ERAP1: variants seen among roughly 807,000 people sequenced by gnomAD.
ERAP1 encodes the protein adipocyte-derived leucine aminopeptidase.
A neutral mutation model predicts 103.7 loss-of-function variants in ERAP1; 86 were observed. That is an observed-to-expected ratio of 0.83 (90% CI 0.70 to 0.99). ERAP1 has a LOEUF of 0.99. Ranked by LOEUF, ERAP1 falls within the 50% of genes least tolerant of loss-of-function variation. The pLI is 0.00. For synonymous variants in ERAP1, 398 were observed against 402.4 expected, an observed-to-expected ratio of 0.99 and a Z score of 0.13; for missense variants, 1,009 against 1,128.4, an observed-to-expected ratio of 0.89 and a Z score of 1.52.
At chr5:96,858,355 C>T in the ERAP1 span, among the ~76,000 whole-genome samples, 3 of 151,936 alleles carry the variant, frequency 2.0e-5, no homozygotes, top group African/African-American at 7.3e-5. Context: ...GCTGGGATTA[C>T]AGGTGCCCGT....
At chr5:96,766,644 T>A (rs909720581) in intron 19 of ERAP1, among the ~76,000 whole-genome samples, 4 of 152,184 alleles carry the variant, frequency 2.6e-5, no homozygotes, top group African/African-American at 7.2e-5. Flanking sequence ...AAATCCTGTT[T>A]CTCTGCCAAA....
rs761116730 is a variant in ERAP1 at position 96,774,778 on chromosome 5, C to CAAAT, written c.*1614_*1617dup. ...ATTTTTATTAAACCATTCACTACAA[C>CAAAT]AAATAAGTATAAAAATTCCAATTCC... On this transcript the variant is annotated 3_prime_UTR_variant, in exon 19 of 19. Transcript: ENST00000443439. The CAAAT allele has an allele frequency of 5.4e-4, 534 of 984,282 alleles. No homozygotes were observed. Among genetic ancestry groups the CAAAT allele is most frequent in the Non-Finnish European group, 6.3e-4 (525 of 828,968 alleles). 61.0% of individuals were successfully genotyped at this position (984,282 alleles called of 1,614,324 possible).
At chr5:96,873,371 T>C in the ERAP1 span, 4 of 456,122 alleles carry the variant, frequency 8.8e-6, no homozygotes, top group Admixed American at 2.4e-5. Context: ...TTGCCTGAAG[T>C]TGATAATCTG....
chr5:96,904,727 A>G, the ERAP1 span, among the ~76,000 whole-genome samples: 5 of 152,324 alleles, frequency 3.3e-5, no homozygotes, highest in East Asian at 5.8e-4. Context: ...AATGGAGAAT[A>G]TTGACAATTC....
chr5:96,920,919 G>A, the ERAP1 span, among the ~76,000 whole-genome samples: 10 of 152,208 alleles, frequency 6.6e-5, no homozygotes, highest in Admixed American at 4.6e-4. Flanking sequence ...GTGCTGGGTA[G>A]TTTCCTTAAA....
At chr5:96,821,953 G>A in the ERAP1 span, among the ~76,000 whole-genome samples, 1 of 152,188 alleles carries the variant, frequency 6.6e-6, no homozygotes, top group African/African-American at 2.4e-5. Flanking sequence ...TTGCTGGTGT[G>A]GGTATACTCA....
intron 19 of ERAP1, chr5:96,767,337 T>C (rs1770352330): frequency 1.1e-6 from 1 of 904,496 alleles, no homozygotes; most frequent in East Asian, 2.5e-5. Context: ...CACTCCATTT[T>C]ATCCAAGTCA....
In ERAP1 at chr5:96,765,949, T is replaced by G. The variant is rs1398525468; in HGVS notation, c.2819-2721A>C. 3 of 690,418 alleles carry G rather than the reference T, an allele frequency of 4.3e-6. No individual in the cohort carries two copies. The East Asian group carries it at 7.7e-5, about 18-fold the overall frequency. 42.8% of individuals were successfully genotyped at this position (690,418 alleles called of 1,614,324 possible). Reference sequence around the variant, plus strand: ...AAAAATAAAAACAGACCATATGTTTTGCCTCATGAAAGTACAACAAATGCT... The same window carrying G: ...AAAAATAAAAACAGACCATATGTTTGGCCTCATGAAAGTACAACAAATGCT... On this transcript the variant is annotated intron_variant, in intron 19 of 19. Coordinates refer to the ERAP1 transcript ENST00000296754.
Position 96,797,297 on chromosome 5 carries a change from TCA to T in ERAP1, c.674_675del (p.Val225AspfsTer4). On this transcript the variant is annotated frameshift_variant, in exon 4 of 19. Transcript: ENST00000443439. LOFTEE classifies it high-confidence loss of function. ...AISNMPLVKSVTVAEGLIEDH... is the reference protein window; with the variant it reads ...AISNMPLVKSXTVAEGLIEDH... ...TCTTCTATGAGTCCTTCAGCAACAG[TCA>T]CAGATTTCACCTAAAATCAGAATAA... 1 of 1,614,080 alleles carries T rather than the reference TCA, an allele frequency of 6.2e-7. No homozygotes were observed. Among genetic ancestry groups the T allele is most frequent in the South Asian group, 1.1e-5 (1 of 91,084 alleles).
intron 19 of ERAP1, chr5:96,767,591 T>C (rs937479212): frequency 2.3e-5 from 18 of 778,046 alleles, no homozygotes; most frequent in Non-Finnish European, 3.5e-5. Context: ...CTGTGCCTGG[T>C]ACTTTGTCAA....
In ERAP1 at chr5:96,793,466, T is replaced by A. The variant is rs750434001; in HGVS notation, c.1122A>T (p.Leu374=). Residue 374 remains leucine (L), a synonymous_variant, in exon 7 of 19, where the codon CTA becomes CTT. Transcript: ENST00000443439. ...VTMEWWNDLW[L]NEGFAKFMEF... Reference sequence around the variant, plus strand: ...CCATAAATTTGGCAAATCCTTCATTTAGCCAAAGATCATTCCACCATTCCA... The same window carrying A: ...CCATAAATTTGGCAAATCCTTCATTAAGCCAAAGATCATTCCACCATTCCA... 4.2e-5 allele frequency: 68 copies of A among 1,613,894 alleles called. No homozygotes were observed. The highest frequency in any genetic ancestry group is 5.3e-5 in the Non-Finnish European group (62 of 1,179,858).
intron 11 of ERAP1, chr5:96,786,792 GA>G (rs1776067820): frequency 4.2e-6 from 2 of 471,398 alleles, no homozygotes; most frequent in East Asian, 7.7e-5. Context: ...CGTGAACCCT[GA>G]AAGCCTTTTT....
At chr5:96,893,349 C>T in the ERAP1 span, among the ~76,000 whole-genome samples, 2 of 152,104 alleles carry the variant, frequency 1.3e-5, no homozygotes, top group Admixed American at 1.3e-4. Flanking sequence ...TAACTTTATC[C>T]TTTATCGTCA....
chr5:96,859,575 C>T, the ERAP1 span, among the ~76,000 whole-genome samples: 2 of 152,052 alleles, frequency 1.3e-5, no homozygotes, highest in African/African-American at 4.8e-5. Context: ...TGGGGAATGC[C>T]CAGGACAGAG....
chr5:96,790,733 T>C (rs1339363311), intron 8 of ERAP1, 90 bp from the exon 9 acceptor site: 3 of 1,253,036 alleles, frequency 2.4e-6, no homozygotes, highest in Non-Finnish European at 2.3e-6. Flanking sequence ...ACACATTTCT[T>C]TGAAAACGCA....
the ERAP1 span, among the ~76,000 whole-genome samples, chr5:96,861,555 T>C: frequency 6.6e-6 from 1 of 152,228 alleles, no homozygotes; most frequent in South Asian, 2.1e-4. Flanking sequence ...GAATTGGCAA[T>C]GTTTCCTCTG....
chr5:96,790,070 T>C (rs1052692887), intron 10 of ERAP1, among the ~76,000 whole-genome samples: 6 of 152,224 alleles, frequency 3.9e-5, no homozygotes, highest in Admixed American at 6.5e-5. Flanking sequence ...GAGAAATTAG[T>C]ATCAGTGAGA....
chr5:96,889,426 A>C, the ERAP1 span: 2 of 1,137,312 alleles, frequency 1.8e-6, no homozygotes, highest in Non-Finnish European at 2.7e-6. Context: ...AGCTCAGGAA[A>C]AAATAATTTG....
the ERAP1 span, chr5:96,902,424 C>T: frequency 1.7e-5 from 15 of 903,398 alleles, no homozygotes; most frequent in South Asian, 5.8e-5. Context: ...TTTGAAGGAA[C>T]GATACAATAA....
Sources: gnomAD v4.1 joint callset for allele counts (sites outside exome capture counted in the v4.1 genomes callset) on GRCh38, gnomAD v4.1.1 for gene constraint, MANE v1.5 for transcripts, NCBI Gene and HGNC (gene_info 2026-07-23, HGNC 2026-07-21) for gene names.